CPEB3: variants seen among roughly 807,000 people sequenced by gnomAD.
CPEB3 encodes cytoplasmic polyadenylation element-binding protein 3.
In CPEB3, 20 loss-of-function variants were observed where a neutral mutation model predicts 67.2. The ratio of observed to expected loss-of-function variants is 0.30; its 90% CI spans 0.21 to 0.43. The LOEUF (loss-of-function observed/expected upper bound fraction) is 0.43. Ranked by LOEUF, CPEB3 falls within the 20% of genes least tolerant of loss-of-function variation. The probability of loss-of-function intolerance (pLI) is 1.00; values close to 1 mark genes in which losing one functional copy is unlikely to be tolerated. For synonymous variants in CPEB3, 376 were observed against 393.1 expected, an observed-to-expected ratio of 0.96 and a Z score of 0.51; for missense variants, 746 against 968.6, an observed-to-expected ratio of 0.77 and a Z score of 3.05.
At chr10:92,223,283 C>T (rs879565790) in intron 2 of CPEB3, among the ~76,000 whole-genome samples, 17 of 152,310 alleles carry the variant, frequency 1.1e-4, no homozygotes, top group Middle Eastern at 6.8e-3. Context: ...CCTTTCCACA[C>T]ATTAGGAATC....
At chr10:92,080,676 C>A (rs1277760060) in intron 9 of CPEB3, among the ~76,000 whole-genome samples, 1 of 152,034 alleles carries the variant, frequency 6.6e-6, no homozygotes, top group East Asian at 1.9e-4. Context: ...TCACTCCAAG[C>A]TCCACCTCCC....
chr10:92,114,460 T>C (rs11813474), intron 6 of CPEB3, among the ~76,000 whole-genome samples: 15,766 of 152,256 alleles, frequency 0.1, 2,722 homozygotes, highest in African/African-American at 0.36. Flanking sequence ...AAATTGCACA[T>C]GGTACTAGGA....
In CPEB3 at chr10:92,048,385, T is replaced by TCACACACACA. The variant is rs200936666; in HGVS notation, c.*3826_*3827insTGTGTGTGTG. The stretch of plus-strand genomic sequence containing the variant: ...TTTTCTCTCTCTCTCTCTCTCTCTC[T>TCACACACACA]CTCACACACACACACACACACACGA... On this transcript the variant is annotated 3_prime_UTR_variant, in exon 10 of 10. Transcript: ENST00000265997. This position sits in a 1 kb window ranked among gnomAD's most constrained non-coding sequence, Gnocchi z 4.1. The TCACACACACA allele has an allele frequency of 2.0e-3, 240 of 119,978 alleles. No homozygotes were observed. Among genetic ancestry groups the TCACACACACA allele is most frequent in the Middle Eastern group, 7.6e-3 (2 of 262 alleles). The allele number at this position is 119,978 out of a possible 1,614,324, so 7.4% of individuals were successfully genotyped here. A position where few individuals can be genotyped will look rare whatever the true frequency, so the allele number is the denominator to read the frequency against.
chr10:92,116,194 C>T (rs992428432), intron 6 of CPEB3, among the ~76,000 whole-genome samples: 3 of 150,338 alleles, frequency 2.0e-5, no homozygotes, highest in African/African-American at 4.9e-5. Flanking sequence ...AAGGAAAATG[C>T]CACAGGAAGT....
chr10:92,139,829 C>T (rs1357067105), intron 6 of CPEB3, among the ~76,000 whole-genome samples: 1 of 152,068 alleles, frequency 6.6e-6, no homozygotes, highest in African/African-American at 2.4e-5. Flanking sequence ...AATCCCAGCA[C>T]TTTGGGAGGC....
intron 2 of CPEB3, among the ~76,000 whole-genome samples, chr10:92,214,523 C>T (rs1012895485): frequency 1.6e-4 from 25 of 152,112 alleles, no homozygotes; most frequent in Non-Finnish European, 3.2e-4. Context: ...CACTCTGTCC[C>T]GCAGGCTGGA....
intron 2 of CPEB3, among the ~76,000 whole-genome samples, chr10:92,206,141 G>A (rs185753849): frequency 2.8e-3 from 413 of 149,278 alleles, no homozygotes; most frequent in Non-Finnish European, 4.4e-3. Flanking sequence ...GCGCAATCTC[G>A]GCTCACCATA....
rs1048364149 is a variant in CPEB3, at chr10:92,254,667, T to C, written c.-11-14306A>G. Among the ~76,000 whole-genome samples, 4 of 152,082 alleles carry C rather than the reference T, an allele frequency of 2.6e-5. No homozygotes were observed. In the East Asian group the frequency reaches 7.7e-4, roughly 29 times the overall value. ...ACCTTGTCTCTAACATTTTTCTTTT[T>C]ATACAGACAGAGTCTTGCTCGCTCA... On this transcript the variant is annotated intron_variant, in intron 1 of 9. Coordinates refer to ENST00000265997, the MANE Select transcript of CPEB3 (RefSeq NM_014912.5).
chr10:92,103,067 T>C (rs533957662), intron 7 of CPEB3, among the ~76,000 whole-genome samples: 40 of 152,308 alleles, frequency 2.6e-4, no homozygotes, highest in African/African-American at 8.9e-4. Context: ...TCACAAAACA[T>C]GTCCAGCAGC....
chr10:92,208,208 A>G (rs2134310621), intron 2 of CPEB3, among the ~76,000 whole-genome samples: 1 of 152,342 alleles, frequency 6.6e-6, no homozygotes, highest in African/African-American at 2.4e-5. Context: ...TTGCTTGTCT[A>G]GCTCAACAGA....
At chr10:92,254,781 C>G (rs968375085) in intron 1 of CPEB3, among the ~76,000 whole-genome samples, 1 of 152,146 alleles carries the variant, frequency 6.6e-6, no homozygotes, top group South Asian at 2.1e-4. Context: ...ACCTCAGTCT[C>G]CCAAGTACCT....
chr10:92,082,886 T>C (rs1030764188), intron 8 of CPEB3, among the ~76,000 whole-genome samples: 2 of 151,898 alleles, frequency 1.3e-5, no homozygotes, highest in African/African-American at 4.8e-5. Context: ...CATCACATAG[T>C]AGATCTCCAC....
intron 3 of CPEB3, among the ~76,000 whole-genome samples, chr10:92,181,367 CAAAAAAAA>C (rs55896574): frequency 0.12 from 11,445 of 95,798 alleles, 583 homozygotes; most frequent in East Asian, 0.24. Flanking sequence ...ATTCAAGCAG[CAAAAAAAA>C]AAAAAAAAAA....
At position 92,190,668 on chromosome 10, in the gene CPEB3, A is replaced by C. The variant is rs1466851670; in HGVS notation, c.1165+1809T>G. Reference sequence around the variant, plus strand: ...CAACAAGAGCGAAACTCCATCTCAAAAAAAAAAAAAAAAAAAAAAAAAAAA... The same window carrying C: ...CAACAAGAGCGAAACTCCATCTCAACAAAAAAAAAAAAAAAAAAAAAAAAA... On this transcript the variant is annotated intron_variant, in intron 3 of 9. Coordinates refer to ENST00000265997, the MANE Select transcript of CPEB3 (RefSeq NM_014912.5). Among the ~76,000 whole-genome samples the C allele has an allele frequency of 1.4e-3, 26 of 19,052 alleles. No individual in the cohort carries two copies. In the African/African-American group the frequency reaches 0.018, roughly 13 times the overall value. 12.5% of individuals were successfully genotyped at this position (19,052 alleles called of 152,430 possible). A position where few individuals can be genotyped will look rare whatever the true frequency, so the allele number is the denominator to read the frequency against.
intron 7 of CPEB3, among the ~76,000 whole-genome samples, chr10:92,096,261 T>G (rs1341502204): frequency 6.6e-6 from 1 of 152,152 alleles, no homozygotes; most frequent in African/African-American, 2.4e-5. Flanking sequence ...AGCATTTACA[T>G]TGTATTAGGT....
intron 9 of CPEB3, among the ~76,000 whole-genome samples, chr10:92,066,870 C>A (rs979015681): frequency 1.3e-5 from 2 of 151,732 alleles, no homozygotes; most frequent in Non-Finnish European, 2.9e-5. Context: ...CATGGTGAAA[C>A]CCCATCTATA....
At chr10:92,131,144 G>A (rs1845826487) in intron 6 of CPEB3, among the ~76,000 whole-genome samples, 1 of 152,152 alleles carries the variant, frequency 6.6e-6, no homozygotes, top group East Asian at 1.9e-4. Flanking sequence ...CAATCACCAA[G>A]AAGGCAATCT....
At chr10:92,067,032 C>G (rs1225918227) in intron 9 of CPEB3, among the ~76,000 whole-genome samples, 2 of 151,010 alleles carry the variant, frequency 1.3e-5, no homozygotes, top group Admixed American at 6.6e-5. Context: ...CTGGGTGACA[C>G]AGCCGAGACT....
intron 2 of CPEB3, among the ~76,000 whole-genome samples, chr10:92,236,947 C>A (rs757460520): frequency 6.6e-6 from 1 of 151,918 alleles, no homozygotes; most frequent in African/African-American, 2.4e-5. Context: ...GCTCAAAAAT[C>A]TGTTAAATAA....
Sources: gnomAD v4.1 joint callset for allele counts (sites outside exome capture counted in the v4.1 genomes callset) on GRCh38, gnomAD v4.1.1 for gene constraint, Gnocchi (gnomAD v3.1) non-coding constraint, MANE v1.5 for transcripts, NCBI Gene and HGNC (gene_info 2026-07-23, HGNC 2026-07-21) for gene names.